ANXA8: variants seen among roughly 807,000 people sequenced by gnomAD.
The protein encoded by ANXA8 is VAC-beta.
A neutral mutation model predicts 26.8 loss-of-function variants in ANXA8; 9 were observed. The observed-to-expected ratio is 0.34, with a 90% CI of 0.20 to 0.59. ANXA8 has a LOEUF of 0.59. ANXA8 is among the 20% of genes least tolerant of loss of function. The pLI is 0.84. For missense variants in ANXA8, 83 were observed against 238.5 expected (o/e 0.35, Z 4.29); for synonymous variants, 39 against 94.8 (o/e 0.41, Z 3.42).
At chr10:47,901,721 G>C in the ANXA8 span, among the ~76,000 whole-genome samples, 34,072 of 116,758 alleles carry the variant, frequency 0.29, 2,096 homozygotes, top group Non-Finnish European at 0.33. Context: ...TTTTGCTTTA[G>C]GACAACAATT....
chr10:47,689,910 T>C, the ANXA8 span: 93 of 1,290,770 alleles, frequency 7.2e-5, no homozygotes, highest in Non-Finnish European at 9.5e-5. Flanking sequence ...CAGATTCTAT[T>C]GGTTCTCCAG....
At chr10:47,684,487 G>A in the ANXA8 span, among the ~76,000 whole-genome samples, 1 of 151,990 alleles carries the variant, frequency 6.6e-6, no homozygotes, top group Admixed American at 6.6e-5. Flanking sequence ...TTTAGACCAA[G>A]CTTGTTCAAC....
At chr10:47,749,257 C>CA in the ANXA8 span, among the ~76,000 whole-genome samples, 1,013 of 114,928 alleles carry the variant, frequency 8.8e-3, 1 homozygote, top group Non-Finnish European at 0.014. Context: ...CAAAAAAACA[C>CA]AAAAAAACCT....
At chr10:47,575,258 A>G in the ANXA8 span, among the ~76,000 whole-genome samples, 1 of 137,238 alleles carries the variant, frequency 7.3e-6, no homozygotes. Context: ...AAGGAAGGAA[A>G]GAAAGAGAGA....
the ANXA8 span, among the ~76,000 whole-genome samples, chr10:47,664,147 C>T: frequency 2.6e-5 from 4 of 151,230 alleles, no homozygotes; most frequent in Admixed American, 2.0e-4. Flanking sequence ...GAGGCCAAGG[C>T]AGCAGATCAC....
the ANXA8 span, among the ~76,000 whole-genome samples, chr10:47,528,384 A>T: frequency 5.4e-5 from 3 of 55,246 alleles, no homozygotes; most frequent in Non-Finnish European, 6.3e-5. Flanking sequence ...GGCTAGACTT[A>T]AAAAAAAAAA....
At chr10:47,555,295 C>A in the ANXA8 span, among the ~76,000 whole-genome samples, 1 of 151,300 alleles carries the variant, frequency 6.6e-6, no homozygotes, top group South Asian at 2.1e-4. Flanking sequence ...GGTATAGCAT[C>A]GGTGACTCTC....
rs1475631400 is a variant in ANXA8, at chr10:47,474,934, C to T, written c.552+11G>A. On this transcript the variant is annotated intron_variant, in intron 7 of 11. Transcript: ENST00000585281. ...GGGTGGGGCCACATGGCCGGCTGGG[C>T]GCAGCCTCACCTGTGCGTCTTGGAG... 1.4e-4 allele frequency: 207 copies of T among 1,532,940 alleles called. 32 individuals are homozygous for T. Among genetic ancestry groups the T allele is most frequent in the Non-Finnish European group, 1.7e-4 (191 of 1,133,386 alleles). The allele number at this position is 1,532,940 out of a possible 1,614,324, so 95.0% of individuals were successfully genotyped here.
chr10:47,606,414 A>T, the ANXA8 span, among the ~76,000 whole-genome samples: 9 of 144,872 alleles, frequency 6.2e-5, no homozygotes, highest in Non-Finnish European at 1.1e-4. Flanking sequence ...CCTCTGGAAC[A>T]CCCTTTTATT....
the ANXA8 span, among the ~76,000 whole-genome samples, chr10:47,778,091 T>A: frequency 6.6e-6 from 1 of 151,836 alleles, no homozygotes; most frequent in African/African-American, 2.4e-5. Flanking sequence ...TGGCTAGTTA[T>A]CCTCTGGGGC....
At chr10:47,504,846 CTTTTTTTTTTTTT>C in the ANXA8 span, among the ~76,000 whole-genome samples, 5 of 46,846 alleles carry the variant, frequency 1.1e-4, no homozygotes, top group East Asian at 1.1e-3. Context: ...CATAACTGTT[CTTTTTTTTTTTTT>C]TTTTTTTTTT....
chr10:47,513,053 G>A, the ANXA8 span, among the ~76,000 whole-genome samples: 1 of 133,514 alleles, frequency 7.5e-6, no homozygotes, highest in African/African-American at 3.1e-5. Flanking sequence ...TATTTTTTGA[G>A]ATGGAGTCTT....
At chr10:47,513,515 T>G in the ANXA8 span, among the ~76,000 whole-genome samples, 4 of 142,000 alleles carry the variant, frequency 2.8e-5, no homozygotes, top group African/African-American at 1.0e-4. Context: ...ACCATCCTTC[T>G]TCACAGAACT....
At chr10:47,688,233 A>G in the ANXA8 span, among the ~76,000 whole-genome samples, 4 of 148,422 alleles carry the variant, frequency 2.7e-5, no homozygotes, top group Admixed American at 6.8e-5. Flanking sequence ...AGCTGGGACT[A>G]TAGGTGTTCC....
intron 11 of ANXA8, among the ~76,000 whole-genome samples, chr10:47,469,244 A>C (rs1588917797): frequency 6.8e-6 from 1 of 146,648 alleles, no homozygotes; most frequent in African/African-American, 2.6e-5. Flanking sequence ...TTTACACAAC[A>C]GGATGCATCA....
At chr10:47,590,594 G>A in the ANXA8 span, among the ~76,000 whole-genome samples, 2 of 146,186 alleles carry the variant, frequency 1.4e-5, no homozygotes, top group Admixed American at 1.3e-4. Flanking sequence ...CAACAACACA[G>A]CACCACAGAA....
chr10:47,546,102 T>G, the ANXA8 span, among the ~76,000 whole-genome samples: 2 of 126,106 alleles, frequency 1.6e-5, no homozygotes, highest in African/African-American at 5.6e-5. Flanking sequence ...GTAATGTATT[T>G]TTAAGCCAAA....
the ANXA8 span, among the ~76,000 whole-genome samples, chr10:47,632,032 G>A: frequency 6.6e-6 from 1 of 152,250 alleles, no homozygotes; most frequent in Non-Finnish European, 1.5e-5. Flanking sequence ...ATTAATTATT[G>A]TTAATCCTAC....
At chr10:47,670,378 C>T in the ANXA8 span, among the ~76,000 whole-genome samples, 3 of 151,920 alleles carry the variant, frequency 2.0e-5, no homozygotes, top group Non-Finnish European at 4.4e-5. Flanking sequence ...GTATATAGCT[C>T]GGTGTGGAAT....
Sources: gnomAD v4.1 joint callset for allele counts (sites outside exome capture counted in the v4.1 genomes callset) on GRCh38, gnomAD v4.1.1 for gene constraint, MANE v1.5 for transcripts, NCBI Gene and HGNC (gene_info 2026-07-23, HGNC 2026-07-21) for gene names.